Variants in FAM178B observed in about 807,000 individuals in gnomAD.
FAM178B encodes the protein family with sequence similarity 178 member B, also known as protein FAM178B.
In FAM178B, 82 loss-of-function variants were observed where a neutral mutation model predicts 91.7. That is an observed-to-expected ratio of 0.89 (90% CI 0.75 to 1.07). The LOEUF is 1.07. Among genes scored for constraint, FAM178B ranks in the 50% least tolerant of loss-of-function variants. FAM178B has a pLI of 0.00. For synonymous variants in FAM178B, 368 were observed against 359.4 expected (o/e 1.02, Z -0.27); for missense variants, 769 against 846.7 (o/e 0.91, Z 1.14).
In FAM178B at chr2:96,929,213, C is replaced by A; in HGVS notation, c.1186G>T (p.Gly396Cys). 1 of 1,550,086 alleles carries A rather than the reference C, an allele frequency of 6.5e-7. No individual in the cohort carries two copies. The highest frequency in any genetic ancestry group is 8.7e-7 in the Non-Finnish European group (1 of 1,145,632). The change falls in exon 9 of 17, where the codon GGT (glycine) becomes TGT (cysteine). Residue 396 changes from glycine (G) to cysteine (C), a missense_variant. By Grantham distance (159) the Gly-to-Cys change is radical (BLOSUM62 -3). Transcript: ENST00000490605. ...ALYPLGPFWH[G>C]GRVLPGEAGL... ...GGAAGCAGAAGTACTCACCTGCCAC[C>A]GTGCCAAAAGGGCCCCAGAGGGTAC...
chr2:96,901,531 G>A (rs2080932276), intron 13 of FAM178B, among the ~76,000 whole-genome samples: 1 of 152,196 alleles, frequency 6.6e-6, no homozygotes, highest in South Asian at 2.1e-4. Context: ...CCTGGGGACT[G>A]AGGGGACACC....
Position 96,877,924 on chromosome 2 carries a change from C to G in FAM178B, c.1973G>C (p.Arg658Pro), listed in dbSNP as rs772799753. 24 of 1,613,612 alleles carry G rather than the reference C, an allele frequency of 1.5e-5. No homozygotes were observed. Among genetic ancestry groups the G allele is most frequent in the Admixed American group, 3.3e-5 (2 of 60,002 alleles). ...LKDLATQTYI[R>P]WQELLTHCQP... Reference sequence around the variant, plus strand: ...GCAGTGGGTCAGCAGCTCCTGCCAACGGATGTAGGTCTGGGTAGCCAGGTC... The same window carrying G: ...GCAGTGGGTCAGCAGCTCCTGCCAAGGGATGTAGGTCTGGGTAGCCAGGTC... The change falls in exon 16 of 17, where the codon CGT becomes CCT. Residue 658 changes from arginine to proline, a missense_variant. Arg to Pro is a moderately radical substitution (Grantham distance 103, BLOSUM62 -2). Coordinates refer to ENST00000490605, the MANE Select transcript of FAM178B (RefSeq NM_001122646.3).
At chr2:96,919,113 G>C (rs776725595) in intron 12 of FAM178B, among the ~76,000 whole-genome samples, 7 of 152,168 alleles carry the variant, frequency 4.6e-5, no homozygotes, top group African/African-American at 7.2e-5. Flanking sequence ...GGTGTCTGAG[G>C]GGTTCTGGAC....
rs531397108 is a variant in FAM178B at position 96,892,850 on chromosome 2, GC to G, written c.1776+1075del. On this transcript the variant is annotated intron_variant, in intron 14 of 16. Coordinates refer to ENST00000490605, the MANE Select transcript of FAM178B (RefSeq NM_001122646.3). ...CTCCTCTCTAGAGGCCCCATAACCA[GC>G]CCATAACCAGCTCCAGTTTCTGGGG... Among the ~76,000 whole-genome samples the G allele has an allele frequency of 3.4e-3, 513 of 152,242 alleles. 5 individuals are homozygous for G. Among genetic ancestry groups the G allele is most frequent in the African/African-American group, 0.012 (484 of 41,524 alleles).
rs541037008 is a variant in FAM178B at position 96,899,520 on chromosome 2, T to A, written c.1650+3100A>T. Among the ~76,000 whole-genome samples, 4 of 151,372 alleles carry A rather than the reference T, an allele frequency of 2.6e-5. No individual in the cohort carries two copies. In the East Asian group the frequency reaches 7.8e-4, roughly 30 times the overall value. ...CCCTGGGGAGCCTGGGAGACCTGCC[T>A]GGCCAGGATCTCTCAAGGGGAGGCA... On this transcript the variant is annotated intron_variant, in intron 13 of 16. Transcript: ENST00000490605.
intron 14 of FAM178B, among the ~76,000 whole-genome samples, chr2:96,882,292 T>A (rs1281970791): frequency 1.3e-5 from 2 of 152,136 alleles, no homozygotes; most frequent in African/African-American, 2.4e-5. Flanking sequence ...AGTCTCCCCA[T>A]CTAAACCGCC....
chr2:96,982,701 T>C (rs2082377391), intron 1 of FAM178B, among the ~76,000 whole-genome samples: 1 of 150,628 alleles, frequency 6.6e-6, no homozygotes, highest in Non-Finnish European at 1.5e-5. Context: ...CCTGAGTAGC[T>C]AGGAGTGCAG....
intron 14 of FAM178B, among the ~76,000 whole-genome samples, chr2:96,887,892 G>T (rs1318976981): frequency 6.6e-6 from 1 of 152,228 alleles, no homozygotes; most frequent in Non-Finnish European, 1.5e-5. Context: ...GAGCAGGCCC[G>T]GGTGCTGCCA....
At chr2:96,929,762 C>T (rs2081509126) in intron 8 of FAM178B, among the ~76,000 whole-genome samples, 1 of 152,260 alleles carries the variant, frequency 6.6e-6, no homozygotes, top group Non-Finnish European at 1.5e-5. Flanking sequence ...GCCTCTGCAG[C>T]ACTCTTGCTG....
intron 8 of FAM178B, among the ~76,000 whole-genome samples, chr2:96,933,087 A>G (rs2081568194): frequency 1.3e-5 from 2 of 150,924 alleles, no homozygotes; most frequent in East Asian, 2.0e-4. Context: ...TACTAAAAAT[A>G]CAAAAATTAG....
At chr2:96,953,135 T>C (rs1358645912) in intron 6 of FAM178B, among the ~76,000 whole-genome samples, 4 of 152,212 alleles carry the variant, frequency 2.6e-5, no homozygotes, top group Non-Finnish European at 5.9e-5. Flanking sequence ...TTGTGAAGTT[T>C]ACCACCCTGA....
chr2:96,954,384 C>T (rs1042365809), intron 6 of FAM178B, among the ~76,000 whole-genome samples: 6 of 152,392 alleles, frequency 3.9e-5, no homozygotes, highest in Admixed American at 6.5e-5. Context: ...TCAGCTACAA[C>T]GGGGAAACCC....
intron 5 of FAM178B, among the ~76,000 whole-genome samples, chr2:96,961,661 C>A (rs1282488239): frequency 2.0e-5 from 3 of 152,164 alleles, no homozygotes; most frequent in Non-Finnish European, 4.4e-5. Context: ...GGACAGCAAA[C>A]CCAGGGGCAG....
intron 7 of FAM178B, chr2:96,949,880 C>T: frequency 4.7e-6 from 3 of 638,190 alleles, no homozygotes; most frequent in Non-Finnish European, 5.9e-6. Context: ...CACATGGGCC[C>T]ATCAGGCCTG....
chr2:96,886,869 A>G (rs907252657), intron 14 of FAM178B, among the ~76,000 whole-genome samples: 6 of 152,170 alleles, frequency 3.9e-5, no homozygotes, highest in Non-Finnish European at 7.3e-5. Context: ...AGCTAGGACC[A>G]TAGGCGTATG....
intron 1 of FAM178B, among the ~76,000 whole-genome samples, chr2:96,984,154 G>A (rs1238059785): frequency 1.3e-5 from 2 of 152,000 alleles, no homozygotes; most frequent in African/African-American, 2.4e-5. Context: ...TAGTGATGGG[G>A]TTTCACCATG....
intron 6 of FAM178B, chr2:96,956,584 GT>G (rs1327274375): frequency 6.6e-6 from 1 of 152,190 alleles, no homozygotes; most frequent in Non-Finnish European, 1.5e-5. Flanking sequence ...TATTTCAAGA[GT>G]TGATTTTTTA....
In FAM178B at chr2:96,880,840, C is replaced by T. The variant is rs541210600; in HGVS notation, c.1777-2347G>A. 1.3e-3 allele frequency among the ~76,000 whole-genome samples: 196 copies of T among 152,244 alleles called. 1 individual carries two copies. Among genetic ancestry groups the T allele is most frequent in the African/African-American group, 4.3e-3 (180 of 41,562 alleles). ...CGATCTCCTGACCTTGTGATCCGCC[C>T]GCCTCGGCCTCCCAAAGTGCTGGGA... On this transcript the variant is annotated intron_variant, in intron 14 of 16. Transcript: ENST00000490605.
intron 14 of FAM178B, among the ~76,000 whole-genome samples, chr2:96,879,139 A>G (rs1321992360): frequency 1.3e-5 from 2 of 151,998 alleles, no homozygotes; most frequent in Non-Finnish European, 2.9e-5. Flanking sequence ...GTTTAGAGAA[A>G]CCGAGCCATG....
Sources: allele counts gnomAD v4.1 joint callset (sites outside exome capture counted in the v4.1 genomes callset), GRCh38; gene constraint gnomAD v4.1.1; transcripts MANE v1.5; gene names NCBI Gene and HGNC (gene_info 2026-07-23, HGNC 2026-07-21).